PLEKHA5: variants seen among roughly 807,000 people sequenced by gnomAD.
PLEKHA5 encodes pleckstrin homology domain containing A5.
In PLEKHA5, 55 loss-of-function variants were observed where a neutral mutation model predicts 181.9. That is an observed-to-expected ratio of 0.30 (90% CI 0.24 to 0.38). PLEKHA5 has a LOEUF of 0.38. Among genes scored for constraint, PLEKHA5 ranks in the 10% least tolerant of loss-of-function variants. PLEKHA5 has a pLI of 1.00. For missense variants in PLEKHA5, 1,432 were observed against 1,549.5 expected (o/e 0.92, Z 1.27); for synonymous variants, 535 against 529.4 (o/e 1.01, Z -0.15).
At chr12:19,202,802 G>A (rs1303504148) in intron 3 of PLEKHA5, among the ~76,000 whole-genome samples, 9 of 152,006 alleles carry the variant, frequency 5.9e-5, no homozygotes, top group African/African-American at 1.7e-4. Context: ...AGGCAGATAC[G>A]TTTAAGTCAT....
chr12:19,250,194 G>T (rs1592202788), intron 3 of PLEKHA5, among the ~76,000 whole-genome samples: 1 of 152,294 alleles, frequency 6.6e-6, no homozygotes, highest in East Asian at 1.9e-4. Flanking sequence ...CACTGGCATT[G>T]TATTTAGAAA....
chr12:19,311,716 C>G (rs932511160), intron 15 of PLEKHA5, among the ~76,000 whole-genome samples: 1 of 152,168 alleles, frequency 6.6e-6, no homozygotes, highest in Non-Finnish European at 1.5e-5. Context: ...ACCACATCTG[C>G]AGTTCCTTCC....
chr12:19,308,703 G>GT (rs1716466258), intron 15 of PLEKHA5, among the ~76,000 whole-genome samples: 1 of 152,064 alleles, frequency 6.6e-6, no homozygotes, highest in South Asian at 2.1e-4. Context: ...TTATGGTCTT[G>GT]TTTGTTGACA....
chr12:19,267,675 A>G (rs1007618334), intron 8 of PLEKHA5, among the ~76,000 whole-genome samples: 21 of 143,476 alleles, frequency 1.5e-4, no homozygotes, highest in African/African-American at 5.4e-4. Context: ...CAACCCCCCA[A>G]AAAAATAGCC....
intron 3 of PLEKHA5, among the ~76,000 whole-genome samples, chr12:19,183,816 C>A (rs953730447): frequency 6.6e-6 from 1 of 152,126 alleles, no homozygotes; most frequent in Non-Finnish European, 1.5e-5. Flanking sequence ...CAGGTTCAAA[C>A]GATTCTCCTG....
chr12:19,253,353 G>A (rs1227857664), intron 3 of PLEKHA5, among the ~76,000 whole-genome samples: 1 of 151,438 alleles, frequency 6.6e-6, no homozygotes, highest in African/African-American at 2.4e-5. Flanking sequence ...GGGATTACAG[G>A]CGTGAGCCAT....
At position 19,283,488 on chromosome 12, in the gene PLEKHA5, C is replaced by A; in HGVS notation, c.1522C>A (p.Gln508Lys). 1 of 1,614,130 alleles carries A rather than the reference C, an allele frequency of 6.2e-7. No homozygotes were observed. The highest frequency in any genetic ancestry group is 8.5e-7 in the Non-Finnish European group (1 of 1,180,014). Residue 508 changes from glutamine to lysine, a missense_variant, in exon 12 of 32, where the codon CAG (glutamine) becomes AAG (lysine). By Grantham distance (53) the Gln-to-Lys change is moderately conservative (BLOSUM62 1). This residue lies in a region of PLEKHA5 where 1,143 missense variants were observed against 1,168.4 expected (regional missense o/e 0.98). Transcript: ENST00000429027. Reference protein sequence around the residue: ...RRSMRDDTMWQLYEWQQRQFY... With the variant: ...RRSMRDDTMWKLYEWQQRQFY... ...GTCCATGAGAGATGACACAATGTGG[C>A]AGCTCTACGAATGGCAGCAGCGTCA...
chr12:19,344,644 G>A (rs761081275), intron 22 of PLEKHA5, among the ~76,000 whole-genome samples: 4 of 152,092 alleles, frequency 2.6e-5, no homozygotes, highest in Non-Finnish European at 4.4e-5. Context: ...GGATAACTGC[G>A]GCCAAAATGC....
intron 3 of PLEKHA5, among the ~76,000 whole-genome samples, chr12:19,175,682 ATG>A (rs2047019070): frequency 2.6e-5 from 4 of 152,178 alleles, no homozygotes; most frequent in Admixed American, 2.0e-4. Context: ...CACTATACAC[ATG>A]TGTTAGCTTT....
chr12:19,136,897 AC>A (rs2035812292), intron 3 of PLEKHA5, among the ~76,000 whole-genome samples: 1 of 152,138 alleles, frequency 6.6e-6, no homozygotes, highest in African/African-American at 2.4e-5. Context: ...ACTTACCAAA[AC>A]TAGCGTTGCA....
chr12:19,361,328 G>A (rs924030832), intron 28 of PLEKHA5, among the ~76,000 whole-genome samples: 18 of 151,904 alleles, frequency 1.2e-4, no homozygotes, highest in African/African-American at 3.4e-4. Context: ...GACTACAGGC[G>A]CCCGCCACCA....
intron 3 of PLEKHA5, among the ~76,000 whole-genome samples, chr12:19,155,796 G>A (rs2041544880): frequency 6.6e-6 from 1 of 152,168 alleles, no homozygotes; most frequent in Admixed American, 6.5e-5. Context: ...TCAGGATTCT[G>A]TGGAACTTGA....
intron 20 of PLEKHA5, among the ~76,000 whole-genome samples, chr12:19,332,523 G>C (rs2153097769): frequency 6.6e-6 from 1 of 152,176 alleles, no homozygotes; most frequent in South Asian, 2.1e-4. Flanking sequence ...ACATTGCCCA[G>C]ATGGGAGTGC....
Position 19,361,675 on chromosome 12 carries a change from A to G in PLEKHA5, c.3577A>G (p.Lys1193Glu). 6.3e-7 allele frequency: 1 copy of G among 1,599,558 alleles called. No homozygotes were observed. Among genetic ancestry groups the G allele is most frequent in the Non-Finnish European group, 8.5e-7 (1 of 1,170,850 alleles). ...SVEMMDKERN[K>E]DKMPEDVTFS... ...GGAAATGATGGATAAAGAAAGAAAC[A>G]AAGACAAAATGCCTGAGGATGTTAC... The change falls in exon 29 of 32, where the codon AAA (lysine) becomes GAA (glutamate). Residue 1193 changes from lysine (K) to glutamate (E), a missense_variant. Lys to Glu is a moderately conservative substitution (Grantham distance 56). Transcript: ENST00000429027.
chr12:19,285,273 C>T (rs1282860796), intron 12 of PLEKHA5, among the ~76,000 whole-genome samples: 1 of 152,152 alleles, frequency 6.6e-6, no homozygotes, highest in Non-Finnish European at 1.5e-5. Flanking sequence ...ACAATTGGCT[C>T]TAAATTACAT....
intron 12 of PLEKHA5, among the ~76,000 whole-genome samples, chr12:19,284,216 G>C (rs899660775): frequency 1.3e-5 from 2 of 151,984 alleles, no homozygotes; most frequent in African/African-American, 2.4e-5. Flanking sequence ...TTACAGACAT[G>C]CGCCACCACA....
At chr12:19,215,771 A>C (rs1011862563) in intron 3 of PLEKHA5, among the ~76,000 whole-genome samples, 25 of 152,204 alleles carry the variant, frequency 1.6e-4, no homozygotes, top group Non-Finnish European at 1.5e-5. Flanking sequence ...TATAATATCA[A>C]TAGCTTGAAG....
At chr12:19,323,381 G>A (rs564909175) in intron 20 of PLEKHA5, among the ~76,000 whole-genome samples, 1 of 152,144 alleles carries the variant, frequency 6.6e-6, no homozygotes, top group African/African-American at 2.4e-5. Flanking sequence ...AATTAGCCAG[G>A]TGTGGTGGCA....
chr12:19,139,963 T>G (rs2036792766), intron 3 of PLEKHA5, among the ~76,000 whole-genome samples: 1 of 152,222 alleles, frequency 6.6e-6, no homozygotes, highest in Admixed American at 6.5e-5. Flanking sequence ...AGCTGCTCTT[T>G]ATCATCCAAT....
Sources: gnomAD v4.1 joint callset for allele counts (sites outside exome capture counted in the v4.1 genomes callset) on GRCh38, gnomAD v4.1.1 for gene constraint, gnomAD v4.1.1 regional missense constraint, MANE v1.5 for transcripts, NCBI Gene and HGNC (gene_info 2026-07-23, HGNC 2026-07-21) for gene names.